Variants in ARHGAP15 observed in about 807,000 individuals in gnomAD.
ARHGAP15 encodes Rho GTPase activating protein 15.
Under a neutral mutation model 63.7 loss-of-function variants are expected in ARHGAP15, and 51 were observed. That is an observed-to-expected ratio of 0.80 (90% CI 0.64 to 1.01). The LOEUF (loss-of-function observed/expected upper bound fraction) is 1.01. Ranked by LOEUF, ARHGAP15 falls within the 50% of genes least tolerant of loss-of-function variation. The pLI is 0.00. For missense variants in ARHGAP15, 560 were observed against 564.6 expected (o/e 0.99, Z 0.08); for synonymous variants, 191 against 193.8 (o/e 0.99, Z 0.12).
At chr2:143,678,832 T>C (rs1032939519) in intron 12 of ARHGAP15, among the ~76,000 whole-genome samples, 2 of 152,226 alleles carry the variant, frequency 1.3e-5, no homozygotes, top group African/African-American at 4.8e-5. Context: ...GTATCGATGT[T>C]AATTATTTTT....
chr2:143,728,350 CT>C (rs1476153486), intron 13 of ARHGAP15, among the ~76,000 whole-genome samples: 4 of 152,118 alleles, frequency 2.6e-5, no homozygotes, highest in Middle Eastern at 3.4e-3. Context: ...ACTTAATGAC[CT>C]TTTTAAAGGC....
chr2:143,344,988 CAGA>C (rs1482104755), intron 6 of ARHGAP15, among the ~76,000 whole-genome samples: 1 of 152,054 alleles, frequency 6.6e-6, no homozygotes, highest in Non-Finnish European at 1.5e-5. Context: ...CTGATTTTCT[CAGA>C]AGGCCTCTCT....
At chr2:143,194,023 C>A (rs989613877) in intron 2 of ARHGAP15, among the ~76,000 whole-genome samples, 22 of 152,128 alleles carry the variant, frequency 1.4e-4, no homozygotes, top group African/African-American at 5.1e-4. Flanking sequence ...TTAAGAATTT[C>A]CAGACAGTTA....
At chr2:143,426,029 A>G (rs1020236147) in intron 6 of ARHGAP15, among the ~76,000 whole-genome samples, 3 of 152,020 alleles carry the variant, frequency 2.0e-5, no homozygotes, top group Admixed American at 6.6e-5. Flanking sequence ...TGAGCCACAC[A>G]CTCTGCAAGG....
chr2:143,542,897 A>G (rs1193286186), intron 10 of ARHGAP15, among the ~76,000 whole-genome samples: 6 of 146,974 alleles, frequency 4.1e-5, no homozygotes, highest in Non-Finnish European at 8.9e-5. Context: ...TGTATATCAT[A>G]TATAATAACA....
chr2:143,186,347 T>C (rs1691447952), intron 2 of ARHGAP15, among the ~76,000 whole-genome samples: 1 of 152,234 alleles, frequency 6.6e-6, no homozygotes, highest in Non-Finnish European at 1.5e-5. Flanking sequence ...AGTTTAGCTA[T>C]ACAGTTTTTG....
chr2:143,519,979 T>C (rs1420953035), intron 10 of ARHGAP15, among the ~76,000 whole-genome samples: 1 of 152,178 alleles, frequency 6.6e-6, no homozygotes, highest in Admixed American at 6.5e-5. Context: ...CTCCACTCTA[T>C]CTGTGGGGTG....
chr2:143,682,972 G>A (rs911957551), intron 12 of ARHGAP15: 3 of 152,120 alleles, frequency 2.0e-5, no homozygotes, highest in Non-Finnish European at 4.4e-5. Flanking sequence ...TGATGGCACT[G>A]TAATTTTACG....
chr2:143,550,115 G>A (rs1695490049), intron 10 of ARHGAP15, among the ~76,000 whole-genome samples: 1 of 152,282 alleles, frequency 6.6e-6, no homozygotes, highest in East Asian at 1.9e-4. Flanking sequence ...ACATATGAGT[G>A]ACATTTTACT....
intron 13 of ARHGAP15, among the ~76,000 whole-genome samples, chr2:143,710,232 C>G (rs1684521033): frequency 6.6e-6 from 1 of 152,080 alleles, no homozygotes; most frequent in Non-Finnish European, 1.5e-5. Flanking sequence ...TTCATAGCTC[C>G]TTTGCTTTTG....
chr2:143,283,714 C>G (rs116661030), intron 6 of ARHGAP15, among the ~76,000 whole-genome samples: 36 of 152,228 alleles, frequency 2.4e-4, no homozygotes, highest in African/African-American at 8.4e-4. Context: ...CATTAAAAAA[C>G]GTCAATAAGT....
intron 8 of ARHGAP15, among the ~76,000 whole-genome samples, chr2:143,476,900 G>A (rs904624465): frequency 3.9e-5 from 6 of 152,134 alleles, no homozygotes; most frequent in Non-Finnish European, 7.4e-5. Flanking sequence ...GAGGAAGGCT[G>A]CAATAATGTA....
intron 13 of ARHGAP15, among the ~76,000 whole-genome samples, chr2:143,763,135 A>G (rs1574938018): frequency 6.6e-6 from 1 of 152,182 alleles, no homozygotes; most frequent in East Asian, 1.9e-4. Flanking sequence ...TAGGAGTGAA[A>G]TTATGGTTTC....
intron 6 of ARHGAP15, among the ~76,000 whole-genome samples, chr2:143,392,957 G>A (rs1003040875): frequency 6.6e-6 from 1 of 152,052 alleles, no homozygotes; most frequent in Non-Finnish European, 1.5e-5. Flanking sequence ...TAAAAATACA[G>A]AGTATATGTT....
At chr2:143,704,651 G>A (rs554848642) in intron 13 of ARHGAP15, among the ~76,000 whole-genome samples, 6 of 152,306 alleles carry the variant, frequency 3.9e-5, no homozygotes, top group African/African-American at 1.4e-4. Flanking sequence ...ATAAGGCAGA[G>A]TGCAACGCAA....
intron 6 of ARHGAP15, among the ~76,000 whole-genome samples, chr2:143,407,943 A>T (rs573071636): frequency 3.2e-4 from 33 of 104,414 alleles, no homozygotes; most frequent in African/African-American, 1.1e-3. Context: ...TTCTGGAATA[A>T]TTTTTCTTCT....
chr2:143,535,138 T>C (rs1455949832), intron 10 of ARHGAP15, among the ~76,000 whole-genome samples: 1 of 152,136 alleles, frequency 6.6e-6, no homozygotes, highest in Non-Finnish European at 1.5e-5. Context: ...ATATACTTCT[T>C]TTTTTCTGTG....
chr2:143,581,816 A>C (rs1350207360), intron 11 of ARHGAP15, among the ~76,000 whole-genome samples: 1 of 152,168 alleles, frequency 6.6e-6, no homozygotes, highest in Non-Finnish European at 1.5e-5. Flanking sequence ...TGGAAGAGCA[A>C]AAACTCTCAT....
chr2:143,319,598 C>A (rs1320670565), intron 6 of ARHGAP15, among the ~76,000 whole-genome samples: 1 of 152,120 alleles, frequency 6.6e-6, no homozygotes. Context: ...TGCTCCCCAA[C>A]CCCTGTATTC....
Sources: gnomAD v4.1 joint callset for allele counts (sites outside exome capture counted in the v4.1 genomes callset) on GRCh38, gnomAD v4.1.1 for gene constraint, MANE v1.5 for transcripts, NCBI Gene and HGNC (gene_info 2026-07-23, HGNC 2026-07-21) for gene names.